PCNP: variants seen among roughly 807,000 people sequenced by gnomAD.
PCNP encodes the protein PEST proteolytic signal-containing nuclear protein.
Under a neutral mutation model 21.8 loss-of-function variants are expected in PCNP, and 6 were observed. The observed-to-expected ratio is 0.28, with a 90% CI of 0.15 to 0.54. The LOEUF (loss-of-function observed/expected upper bound fraction) is 0.54. PCNP is among the 20% of genes least tolerant of loss of function. PCNP has a pLI of 0.95. For missense variants in PCNP, 161 were observed against 215.5 expected (o/e 0.75, Z 1.58); for synonymous variants, 67 against 73.2 (o/e 0.92, Z 0.43).
chr3:101,577,293 CAT>C (rs1486000957), intron 1 of PCNP, among the ~76,000 whole-genome samples: 1 of 152,150 alleles, frequency 6.6e-6, no homozygotes, highest in Non-Finnish European at 1.5e-5. Flanking sequence ...AAGAGCTAGT[CAT>C]ACATAATCAT....
Position 101,585,548 on chromosome 3 carries a change from C to T in PCNP, c.354+37C>T. ...TCGAGTTTTGTTTTTTTACTTTAAC[C>T]AGTTATTTAAGGAAGGTATTAGTGG... On this transcript the variant is annotated intron_variant, in intron 3 of 4. Coordinates refer to ENST00000265260, the MANE Select transcript of PCNP (RefSeq NM_020357.3). 2.9e-6 allele frequency: 4 copies of T among 1,377,438 alleles called. No individual in the cohort carries two copies. The East Asian group carries it at 6.9e-5, about 24-fold the overall frequency. 85.3% of individuals were successfully genotyped at this position (1,377,438 alleles called of 1,614,324 possible). A position where few individuals can be genotyped will look rare whatever the true frequency, so the allele number is the denominator to read the frequency against.
intron 4 of PCNP, among the ~76,000 whole-genome samples, chr3:101,590,936 T>A (rs1001697177): frequency 6.6e-6 from 1 of 151,726 alleles, no homozygotes; most frequent in Non-Finnish European, 1.5e-5. Flanking sequence ...AGTCACTTCA[T>A]TTTTTAAAAA....
chr3:101,589,899 G>T, intron 3 of PCNP: 1 of 252,864 alleles, frequency 4.0e-6, no homozygotes, highest in Admixed American at 5.5e-5. Flanking sequence ...TCCCTCATGC[G>T]ATTATGTTAG....
chr3:101,586,405 C>G (rs1935508204), intron 3 of PCNP, among the ~76,000 whole-genome samples: 1 of 151,990 alleles, frequency 6.6e-6, no homozygotes, highest in Admixed American at 6.6e-5. Flanking sequence ...AAGTTTCAAG[C>G]ATGATTCTGA....
intron 4 of PCNP, among the ~76,000 whole-genome samples, chr3:101,591,766 G>GT (rs149888934): frequency 1.9e-3 from 199 of 102,262 alleles, no homozygotes; most frequent in East Asian, 9.5e-3. Context: ...TGATTTTGGT[G>GT]TTTTTTTTTT....
chr3:101,575,199 T>C (rs1002817477), intron 1 of PCNP, among the ~76,000 whole-genome samples: 4 of 152,164 alleles, frequency 2.6e-5, no homozygotes, highest in African/African-American at 9.7e-5. Context: ...TTAAAATGTT[T>C]TTAGAACATT....
At position 101,579,898 on chromosome 3, in the gene PCNP, C is replaced by A. The variant is rs1213243574; in HGVS notation, c.173C>A (p.Ala58Asp). Residue 58 changes from alanine (A) to aspartate (D), a missense_variant, in exon 2 of 5, where the codon GCT (alanine) becomes GAT (aspartate). Physicochemically the swap from Ala to Asp is moderately radical, Grantham distance 126. Coordinates refer to ENST00000265260, the MANE Select transcript of PCNP (RefSeq NM_020357.3). ...GAGAAGCGATCAGCTGAAGAAGAAG[C>A]TGCCGACCTCCCAACAAAGCCTACA... Reference protein sequence around the residue: ...SAEKRSAEEEAADLPTKPTKI... With the variant: ...SAEKRSAEEEDADLPTKPTKI... The A allele has an allele frequency of 6.2e-7, 1 of 1,613,912 alleles. No individual in the cohort carries two copies. The highest frequency in any genetic ancestry group is 8.5e-7 in the Non-Finnish European group (1 of 1,179,750).
chr3:101,574,135 G>C, upstream of PCNP: 1 of 1,510,490 alleles, frequency 6.6e-7, no homozygotes, highest in Non-Finnish European at 8.9e-7. Context: ...CACCACGCCG[G>C]CTGGCCCCAA....
chr3:101,593,278 A>G lies in PCNP; in HGVS notation c.*525A>G, dbSNP rs1409966267. On this transcript the variant is annotated 3_prime_UTR_variant, in exon 5 of 5. Coordinates refer to ENST00000265260, the MANE Select transcript of PCNP (RefSeq NM_020357.3). The stretch of plus-strand genomic sequence containing the variant: ...ATGGGCATTTGTTTTGTTTCAAGTC[A>G]TCATAAACTAGGTATTGCATTGCTA... 2.0e-5 allele frequency: 3 copies of G among 152,624 alleles called. No individual in the cohort carries two copies. Among genetic ancestry groups the G allele is most frequent in the African/African-American group, 4.8e-5 (2 of 41,452 alleles). The allele number at this position is 152,624 out of a possible 1,614,324, so 9.5% of individuals were successfully genotyped here. A position where few individuals can be genotyped will look rare whatever the true frequency, so the allele number is the denominator to read the frequency against.
chr3:101,578,348 C>T (rs1392027167), intron 1 of PCNP, among the ~76,000 whole-genome samples: 4 of 152,214 alleles, frequency 2.6e-5, no homozygotes, highest in Non-Finnish European at 5.9e-5. Flanking sequence ...GCATCATACT[C>T]TTTCAGAGAT....
At chr3:101,582,995 A>T (rs1164863191) in intron 2 of PCNP, among the ~76,000 whole-genome samples, 2 of 152,242 alleles carry the variant, frequency 1.3e-5, no homozygotes, top group Non-Finnish European at 2.9e-5. Context: ...TAGAAGCATC[A>T]CTATGGTACC....
intron 2 of PCNP, among the ~76,000 whole-genome samples, chr3:101,584,983 G>A (rs1217623535): frequency 2.6e-5 from 4 of 152,132 alleles, no homozygotes; most frequent in Admixed American, 6.6e-5. Context: ...CAGCCTGGGC[G>A]ACAGAGCAAG....
intron 1 of PCNP, 69 bp downstream of exon 1, chr3:101,574,348 G>C: frequency 1.4e-6 from 2 of 1,477,364 alleles, no homozygotes; most frequent in Non-Finnish European, 1.8e-6. Context: ...CCCAGGGTGG[G>C]GGGAGTGGGG....
chr3:101,582,880 G>A (rs902682946), intron 2 of PCNP, among the ~76,000 whole-genome samples: 1 of 152,218 alleles, frequency 6.6e-6, no homozygotes, highest in Non-Finnish European at 1.5e-5. Context: ...ACAGGGTTTG[G>A]TGGGGAAATG....
chr3:101,574,165 C>T (rs1367164343), upstream of PCNP: 3 of 1,535,434 alleles, frequency 2.0e-6, no homozygotes, highest in Non-Finnish European at 2.6e-6. Context: ...GGTTGTTGGG[C>T]GGGGTCGTGA....
At chr3:101,585,902 G>A (rs777976523) in intron 3 of PCNP, among the ~76,000 whole-genome samples, 3 of 152,160 alleles carry the variant, frequency 2.0e-5, no homozygotes, top group Non-Finnish European at 4.4e-5. Context: ...TAGGCGCGGT[G>A]TCTCATGCCT....
chr3:101,591,709 A>G (rs1318056934), intron 4 of PCNP, among the ~76,000 whole-genome samples: 2 of 148,486 alleles, frequency 1.3e-5, no homozygotes, highest in Admixed American at 1.3e-4. Flanking sequence ...TGACTTCATG[A>G]TGCTGTTAAT....
chr3:101,586,222 A>G (rs1218579895), intron 3 of PCNP, among the ~76,000 whole-genome samples: 1 of 150,488 alleles, frequency 6.6e-6, no homozygotes, highest in East Asian at 2.0e-4. Flanking sequence ...CTCACTTCCC[A>G]TATCCCTAGG....
At chr3:101,577,431 G>T (rs1371392334) in intron 1 of PCNP, among the ~76,000 whole-genome samples, 1 of 152,138 alleles carries the variant, frequency 6.6e-6, no homozygotes, top group Non-Finnish European at 1.5e-5. Flanking sequence ...ATACTAGAGA[G>T]GTAGCTCTGC....
Sources: allele counts gnomAD v4.1 joint callset (sites outside exome capture counted in the v4.1 genomes callset), GRCh38; gene constraint gnomAD v4.1.1; transcripts MANE v1.5; gene names NCBI Gene and HGNC (gene_info 2026-07-23, HGNC 2026-07-21).